ADAMTS15: variants seen among roughly 807,000 people sequenced by gnomAD.
The protein encoded by ADAMTS15 is ADAM metallopeptidase with thrombospondin type 1 motif 15.
Under a neutral mutation model 79.1 loss-of-function variants are expected in ADAMTS15, and 35 were observed. The observed-to-expected ratio is 0.44, with a 90% CI of 0.34 to 0.59. The LOEUF (loss-of-function observed/expected upper bound fraction) is 0.59, where lower values mean the gene tolerates loss of function less well. Among genes scored for constraint, ADAMTS15 ranks in the 20% least tolerant of loss-of-function variants. The pLI, the probability that ADAMTS15 is intolerant of heterozygous loss-of-function variation, is 0.02. For missense variants in ADAMTS15, 1,324 were observed against 1,318.7 expected, an observed-to-expected ratio of 1.00 and a Z score of -0.06; for synonymous variants, 616 against 567.3, an observed-to-expected ratio of 1.09 and a Z score of -1.22.
intron 1 of ADAMTS15, among the ~76,000 whole-genome samples, chr11:130,451,855 C>A (rs927358675): frequency 9.2e-5 from 14 of 152,100 alleles, no homozygotes. Flanking sequence ...TGTGCTCAAC[C>A]CCCCGGGGGC....
chr11:130,471,060 C>T lies in ADAMTS15; in HGVS notation c.1861C>T (p.Arg621Ter), dbSNP rs751977582. 1.4e-5 allele frequency: 22 copies of T among 1,610,906 alleles called. No individual in the cohort carries two copies. The Admixed American group carries it at 1.5e-4, about 11-fold the overall frequency. Residue 621 changes from arginine (R) to a stop codon, truncating the protein, a stop_gained, in exon 6 of 8, where the codon CGA (arginine) becomes TGA (stop). Coordinates refer to ENST00000299164, the MANE Select transcript of ADAMTS15 (RefSeq NM_139055.4). LOFTEE classifies it high-confidence loss of function. ...SPRDKCKLIC[R>*]ANGTGYFYVL... ...CCGGGACAAGTGCAAGCTCATCTGC[C>T]GAGCCAATGGCACTGGCTACTTCTA...
intron 1 of ADAMTS15, chr11:130,450,330 A>C: frequency 6.1e-6 from 6 of 985,470 alleles, no homozygotes; most frequent in Non-Finnish European, 7.2e-6. Context: ...TGGGCGGCTG[A>C]GTCTTCTCGG....
chr11:130,453,291 T>TG (rs973945844), intron 1 of ADAMTS15, among the ~76,000 whole-genome samples: 1 of 151,912 alleles, frequency 6.6e-6, no homozygotes, highest in Middle Eastern at 3.4e-3. Flanking sequence ...TTTTTTTTTT[T>TG]TTTTAGGACT....
chr11:130,450,211 C>T (rs1937935427), intron 1 of ADAMTS15: 1 of 985,344 alleles, frequency 1.0e-6, no homozygotes, highest in Non-Finnish European at 1.2e-6. Context: ...CGCCGAGGGG[C>T]CGGAACCCAG....
intron 5 of ADAMTS15, among the ~76,000 whole-genome samples, chr11:130,470,212 A>ATG (rs1938422341): frequency 6.5e-4 from 34 of 52,256 alleles, no homozygotes; most frequent in Non-Finnish European, 1.1e-3. Flanking sequence ...ATATATATGT[A>ATG]TATATATATA....
intron 1 of ADAMTS15, among the ~76,000 whole-genome samples, chr11:130,459,740 A>C (rs1289558206): frequency 6.6e-6 from 1 of 152,182 alleles, no homozygotes; most frequent in Admixed American, 6.5e-5. Context: ...AGGTGTGACT[A>C]TCATCTGACC....
intron 5 of ADAMTS15, among the ~76,000 whole-genome samples, chr11:130,470,149 T>TAG (rs879617627): frequency 1.7e-5 from 1 of 59,876 alleles, no homozygotes; most frequent in Non-Finnish European, 3.1e-5. Context: ...TATATATATA[T>TAG]ATGTGTATAT....
chr11:130,473,381 C>T lies in ADAMTS15; in HGVS notation c.2413C>T (p.Arg805Trp), dbSNP rs370956319. 2.9e-5 allele frequency: 47 copies of T among 1,612,704 alleles called. No homozygotes were observed. Among genetic ancestry groups the T allele is most frequent in the Non-Finnish European group, 3.5e-5 (41 of 1,179,996 alleles). ...RYSFYLPKEP[R>W]EDKSSHPKDP... is the part of the protein sequence containing the mutation. ...CTCCTTCTATCTGCCCAAAGAGCCT[C>T]GGGAGGACAAGTCCTCTCATCCCAA... is the stretch of plus-strand genomic sequence containing the variant. Residue 805 changes from arginine (R) to tryptophan (W), a missense_variant, in exon 8 of 8, where the codon CGG becomes TGG. Arg to Trp is a moderately radical substitution (Grantham distance 101, BLOSUM62 -3). Transcript: ENST00000299164.
intron 4 of ADAMTS15, among the ~76,000 whole-genome samples, chr11:130,466,931 A>G (rs1480955106): frequency 6.6e-6 from 1 of 152,078 alleles, no homozygotes; most frequent in African/African-American, 2.4e-5. Context: ...CCCATAATCC[A>G]GAGCAGCCCT....
intron 4 of ADAMTS15, among the ~76,000 whole-genome samples, chr11:130,464,397 C>A (rs1938261470): frequency 6.6e-6 from 1 of 152,030 alleles, no homozygotes; most frequent in Non-Finnish European, 1.5e-5. Flanking sequence ...GAAGTCATTG[C>A]CCTCACTGGC....
intron 5 of ADAMTS15, among the ~76,000 whole-genome samples, chr11:130,470,151 T>TATATACAC (rs1565397596): frequency 4.8e-4 from 27 of 56,312 alleles, no homozygotes; most frequent in South Asian, 2.2e-3. Flanking sequence ...TATATATATA[T>TATATACAC]GTGTATATAT....
rs780687517 is a variant in ADAMTS15 at position 130,473,328 on chromosome 11, G to A, written c.2360G>A (p.Gly787Glu). The change falls in exon 8 of 8, where the codon GGG becomes GAG. Residue 787 changes from glycine (G) to glutamate (E), a missense_variant. Coordinates refer to ENST00000299164, the MANE Select transcript of ADAMTS15 (RefSeq NM_139055.4). Reference protein sequence around the residue: ...EPLTVEVLSVGKMTPPRVRYS... With the variant: ...EPLTVEVLSVEKMTPPRVRYS... ...CTGACCGTGGAGGTCCTCTCCGTGG[G>A]GAAGATGACACCGCCCCGGGTCCGC... 1 of 1,613,038 alleles carries A rather than the reference G, an allele frequency of 6.2e-7. No homozygotes were observed. The highest frequency in any genetic ancestry group is 8.5e-7 in the Non-Finnish European group (1 of 1,180,002).
At chr11:130,452,208 G>A (rs775276269) in intron 1 of ADAMTS15, among the ~76,000 whole-genome samples, 1 of 152,156 alleles carries the variant, frequency 6.6e-6, no homozygotes, top group Non-Finnish European at 1.5e-5. Context: ...TGCGGTCTCC[G>A]GGAACCTTAA....
Position 130,449,062 on chromosome 11 carries a change from G to T in ADAMTS15, c.89G>T (p.Arg30Leu), listed in dbSNP as rs1358022319. ...EPEREVVVPI[R>L]LDPDINGRRY... ...GAGCGGGAGGTAGTCGTTCCCATCC[G>T]ACTGGACCCGGACATTAACGGCCGC... is the stretch of plus-strand genomic sequence containing the variant. Residue 30 changes from arginine (R) to leucine (L), a missense_variant, in exon 1 of 8, where the codon CGA (arginine) becomes CTA (leucine). By Grantham distance (102) the Arg-to-Leu change is moderately radical. Transcript: ENST00000299164. The surrounding 1 kb of genome is among the most constrained non-coding windows in gnomAD (Gnocchi z 7.8). 2 of 1,564,770 alleles carry T rather than the reference G, an allele frequency of 1.3e-6. No homozygotes were observed.
At chr11:130,470,162 A>ATATATATATGTATATATG (rs1565397691) in intron 5 of ADAMTS15, among the ~76,000 whole-genome samples, 38 of 56,566 alleles carry the variant, frequency 6.7e-4, no homozygotes, top group Non-Finnish European at 9.3e-4. Flanking sequence ...GTGTATATAT[A>ATATATATATGTATATATG]TATATATATA....
At position 130,462,845 on chromosome 11, in the gene ADAMTS15, G is replaced by A. The variant is rs1272484380; in HGVS notation, c.1542+65G>A. The stretch of plus-strand genomic sequence containing the variant: ...GGAGGGATGGAGACCCGGGGGCCTC[G>A]TCTGCCCTTGGTCTTCACCAGGAAG... On this transcript the variant is annotated intron_variant, in intron 4 of 7. Transcript: ENST00000299164. The surrounding 1 kb of genome is among the most constrained non-coding windows in gnomAD (Gnocchi z 4.3). 2.2e-5 allele frequency: 34 copies of A among 1,530,404 alleles called. No homozygotes were observed. Among genetic ancestry groups the A allele is most frequent in the African/African-American group, 1.1e-4 (8 of 73,030 alleles). 94.8% of individuals were successfully genotyped at this position (1,530,404 alleles called of 1,614,324 possible).
intron 7 of ADAMTS15, among the ~76,000 whole-genome samples, chr11:130,471,824 A>C (rs1011729148): frequency 6.6e-6 from 1 of 152,230 alleles, no homozygotes; most frequent in African/African-American, 2.4e-5. Flanking sequence ...CTTGTGGGGA[A>C]TAAGGGAGTT....
rs571540043 is a variant in ADAMTS15 at position 130,462,184 on chromosome 11, G to C, written c.1188G>C (p.Gln396His). Reference protein sequence around the residue: ...ANHMMSPTLIQIDRANPWSAC... With the variant: ...ANHMMSPTLIHIDRANPWSAC... ...ACATGATGTCCCCGACCCTCATCCA[G>C]ATCGACCGTGCCAACCCCTGGTCAG... Residue 396 changes from glutamine (Q) to histidine (H), a missense_variant, in exon 3 of 8, where the codon CAG (glutamine) becomes CAC (histidine). Coordinates refer to ENST00000299164, the MANE Select transcript of ADAMTS15 (RefSeq NM_139055.4). This position sits in a 1 kb window ranked among gnomAD's most constrained non-coding sequence, Gnocchi z 4.3. 2 of 1,614,212 alleles carry C rather than the reference G, an allele frequency of 1.2e-6. No homozygotes were observed. The highest frequency in any genetic ancestry group is 1.1e-5 in the South Asian group (1 of 91,086).
In ADAMTS15 at chr11:130,469,319, G is replaced by A; in HGVS notation, c.1600G>A (p.Gly534Arg). The change falls in exon 5 of 8, where the codon GGG becomes AGG. Residue 534 changes from glycine to arginine, a missense_variant. Transcript: ENST00000299164. The stretch of plus-strand genomic sequence containing the variant: ...TGGCCCCTGCTCGCGCACATGTGGT[G>A]GGGGCGTGCAGCTGGCCAGGAGGCA... ...PYGPCSRTCGGGVQLARRQCT... is the reference protein window; with the variant it reads ...PYGPCSRTCGRGVQLARRQCT... The A allele has an allele frequency of 2.1e-6, 3 of 1,396,824 alleles. No homozygotes were observed. The highest frequency in any genetic ancestry group is 9.3e-7 in the Non-Finnish European group (1 of 1,070,126). 86.5% of individuals were successfully genotyped at this position (1,396,824 alleles called of 1,614,324 possible).
Sources: gnomAD v4.1 joint callset for allele counts (sites outside exome capture counted in the v4.1 genomes callset) on GRCh38, gnomAD v4.1.1 for gene constraint, Gnocchi (gnomAD v3.1) non-coding constraint, MANE v1.5 for transcripts, NCBI Gene and HGNC (gene_info 2026-07-23, HGNC 2026-07-21) for gene names.